The following ADAMTS3 variants were observed in gnomAD, a reference collection of about 807,000 sequenced individuals.
ADAMTS3 encodes A disintegrin and metalloproteinase with thrombospondin motifs 3.
A neutral mutation model predicts 129.0 loss-of-function variants in ADAMTS3; 73 were observed. The observed-to-expected ratio is 0.57, with a 90% CI of 0.47 to 0.69. ADAMTS3 has a LOEUF of 0.69. Ranked by LOEUF, ADAMTS3 falls within the 30% of genes least tolerant of loss-of-function variation. The pLI is 0.00. For synonymous variants in ADAMTS3, 477 were observed against 510.8 expected (o/e 0.93, Z 0.89); for missense variants, 1,457 against 1,514.5 (o/e 0.96, Z 0.63).
At position 72,397,827 on chromosome 4, in the gene ADAMTS3, CAT is replaced by C. The variant is rs571351041; in HGVS notation, c.661+16986_661+16987del. 2.9e-4 allele frequency among the ~76,000 whole-genome samples: 44 copies of C among 152,192 alleles called. No individual in the cohort carries two copies. In the East Asian group the frequency reaches 7.4e-3, roughly 25 times the overall value. Reference sequence around the variant, plus strand: ...TAATTGCAGAGCTGTGATTTGAACACATGTCTTTCTGATCACAAAACCTATAC... The same window carrying C: ...TAATTGCAGAGCTGTGATTTGAACACGTCTTTCTGATCACAAAACCTATAC... On this transcript the variant is annotated intron_variant, in intron 4 of 21. Coordinates refer to ENST00000286657, the MANE Select transcript of ADAMTS3 (RefSeq NM_014243.3).
chr4:72,440,641 T>C (rs1032435391), intron 3 of ADAMTS3, among the ~76,000 whole-genome samples: 3 of 151,760 alleles, frequency 2.0e-5, no homozygotes, highest in African/African-American at 7.2e-5. Context: ...GCAACCTCCT[T>C]GAGAGCTTAT....
At chr4:72,420,390 G>A (rs1722412103) in intron 3 of ADAMTS3, among the ~76,000 whole-genome samples, 1 of 152,076 alleles carries the variant, frequency 6.6e-6, no homozygotes, top group Admixed American at 6.5e-5. Context: ...TCTTCCCCTA[G>A]GACTATGCAT....
chr4:72,481,847 G>C (rs1037170498), intron 3 of ADAMTS3, among the ~76,000 whole-genome samples: 3 of 151,884 alleles, frequency 2.0e-5, no homozygotes, highest in Non-Finnish European at 4.4e-5. Flanking sequence ...ATTAGAAAAT[G>C]AAAAAGCCAT....
intron 4 of ADAMTS3, among the ~76,000 whole-genome samples, chr4:72,374,995 G>A (rs184287464): frequency 1.1e-4 from 17 of 152,258 alleles, no homozygotes; most frequent in Admixed American, 9.8e-4. Context: ...TATCTCACAG[G>A]TTATTACATG....
intron 4 of ADAMTS3, among the ~76,000 whole-genome samples, chr4:72,360,343 T>C (rs1304440632): frequency 6.6e-6 from 1 of 152,032 alleles, no homozygotes; most frequent in Non-Finnish European, 1.5e-5. Context: ...TCGACCTGAA[T>C]GCCTACGGTC....
At position 72,527,854 on chromosome 4, in the gene ADAMTS3, A is replaced by T. The variant is rs1314789081; in HGVS notation, c.504+20624T>A. 2.0e-5 allele frequency among the ~76,000 whole-genome samples: 3 copies of T among 152,146 alleles called. No individual in the cohort carries two copies. In the East Asian group the frequency reaches 5.8e-4, roughly 29 times the overall value. On this transcript the variant is annotated intron_variant, in intron 3 of 21. Coordinates refer to ENST00000286657, the MANE Select transcript of ADAMTS3 (RefSeq NM_014243.3). ...CAGAGGAAGAATTCATCCAACTAAG[A>T]ATCCTGAAACCTAGAGGGGGATAGG...
intron 18 of ADAMTS3, among the ~76,000 whole-genome samples, chr4:72,296,842 C>A (rs1210616402): frequency 6.6e-6 from 1 of 151,996 alleles, no homozygotes; most frequent in Non-Finnish European, 1.5e-5. Context: ...TCATATGTTG[C>A]GTTTAACTGT....
chr4:72,488,267 C>T (rs1430769182), intron 3 of ADAMTS3, among the ~76,000 whole-genome samples: 4 of 151,786 alleles, frequency 2.6e-5, no homozygotes, highest in Admixed American at 1.3e-4. Context: ...CCCTTGGACC[C>T]TGAAATTGCT....
At chr4:72,287,077 C>T (rs1290637438) in intron 21 of ADAMTS3, among the ~76,000 whole-genome samples, 1 of 151,872 alleles carries the variant, frequency 6.6e-6, no homozygotes, top group Non-Finnish European at 1.5e-5. Context: ...GTGACTAGGC[C>T]ATCAGGGTGG....
chr4:72,402,175 T>G (rs566782235), intron 4 of ADAMTS3, among the ~76,000 whole-genome samples: 1 of 152,184 alleles, frequency 6.6e-6, no homozygotes, highest in Admixed American at 6.5e-5. Flanking sequence ...TTTCTCCCAG[T>G]CATTGTATCT....
At chr4:72,389,913 A>G (rs1721546108) in intron 4 of ADAMTS3, among the ~76,000 whole-genome samples, 1 of 32,086 alleles carries the variant, frequency 3.1e-5, no homozygotes, top group Non-Finnish European at 9.0e-4. Flanking sequence ...TATTTTTCTA[A>G]TGATAAGGAG....
intron 3 of ADAMTS3, among the ~76,000 whole-genome samples, chr4:72,473,874 C>T (rs1719150341): frequency 6.6e-6 from 1 of 152,182 alleles, no homozygotes; most frequent in African/African-American, 2.4e-5. Flanking sequence ...TCACCATTGC[C>T]TGGTAATAAG....
At chr4:72,374,308 T>C (rs1421842281) in intron 4 of ADAMTS3, among the ~76,000 whole-genome samples, 1 of 151,788 alleles carries the variant, frequency 6.6e-6, no homozygotes, top group East Asian at 1.9e-4. Flanking sequence ...TTTTTGCTGG[T>C]ACAGAATACT....
At chr4:72,558,963 T>G (rs1383172026) in intron 2 of ADAMTS3, among the ~76,000 whole-genome samples, 1 of 151,736 alleles carries the variant, frequency 6.6e-6, no homozygotes, top group Non-Finnish European at 1.5e-5. Flanking sequence ...AAAGGTAGAA[T>G]GACAGCCTGG....
At chr4:72,478,846 C>G (rs1392668685) in intron 3 of ADAMTS3, among the ~76,000 whole-genome samples, 9 of 151,818 alleles carry the variant, frequency 5.9e-5, no homozygotes, top group South Asian at 2.1e-4. Flanking sequence ...TCAGCAAAGT[C>G]TCAGGATACA....
chr4:72,403,721 AT>A (rs1369042513), intron 4 of ADAMTS3, among the ~76,000 whole-genome samples: 1 of 151,438 alleles, frequency 6.6e-6, no homozygotes, highest in Non-Finnish European at 1.5e-5. Context: ...CAACTTAGAG[AT>A]AAAAAAATTT....
chr4:72,384,970 C>G (rs1271174525), intron 4 of ADAMTS3, among the ~76,000 whole-genome samples: 7 of 152,030 alleles, frequency 4.6e-5, no homozygotes, highest in African/African-American at 1.7e-4. Context: ...AGATCGAGAC[C>G]ATCCTGGCTA....
At position 72,569,106 on chromosome 4, in the gene ADAMTS3, G is replaced by A. The variant is rs1722098231; in HGVS notation, c.-344C>T. ...TCTCTGCCCAAAGCAGCTTTTTCGA[G>A]GCTTTTCGAGCACCATTGGTCCCTA... On this transcript the variant is annotated 5_prime_UTR_variant, in exon 1 of 22. Coordinates refer to ENST00000286657, the MANE Select transcript of ADAMTS3 (RefSeq NM_014243.3). 3.0e-6 allele frequency: 1 copy of A among 331,940 alleles called. No individual in the cohort carries two copies. 20.6% of individuals were successfully genotyped at this position (331,940 alleles called of 1,614,324 possible).
chr4:72,451,559 T>C (rs1560520340), intron 3 of ADAMTS3, among the ~76,000 whole-genome samples: 1 of 151,666 alleles, frequency 6.6e-6, no homozygotes, highest in South Asian at 2.1e-4. Flanking sequence ...ATGACGTAAA[T>C]TGAACATTTT....
Sources: gnomAD v4.1 joint callset for allele counts (sites outside exome capture counted in the v4.1 genomes callset) on GRCh38, gnomAD v4.1.1 for gene constraint, MANE v1.5 for transcripts, NCBI Gene and HGNC (gene_info 2026-07-23, HGNC 2026-07-21) for gene names.